SEMA5A: variants seen among roughly 807,000 people sequenced by gnomAD.
The protein encoded by SEMA5A is semaphorin-5A.
In SEMA5A, 55 loss-of-function variants were observed where a neutral mutation model predicts 135.5. The observed-to-expected ratio is 0.41, with a 90% CI of 0.33 to 0.51. The LOEUF is 0.51. Ranked by LOEUF, SEMA5A falls within the 20% of genes least tolerant of loss-of-function variation. SEMA5A has a pLI of 0.37. For missense variants in SEMA5A, 1,290 were observed against 1,419.9 expected (o/e 0.91, Z 1.47); for synonymous variants, 580 against 546.5 (o/e 1.06, Z -0.85).
At chr5:9,184,425 T>C (rs1193371880) in intron 11 of SEMA5A, among the ~76,000 whole-genome samples, 1 of 152,212 alleles carries the variant, frequency 6.6e-6, no homozygotes, top group Non-Finnish European at 1.5e-5. Context: ...TCTCCAATAG[T>C]GTCTTTGGGC....
At chr5:9,244,746 G>A (rs1414428639) in intron 5 of SEMA5A, among the ~76,000 whole-genome samples, 2 of 152,186 alleles carry the variant, frequency 1.3e-5, no homozygotes, top group East Asian at 3.9e-4. Flanking sequence ...TCGCTCAGGT[G>A]TCCTTCTAGA....
intron 22 of SEMA5A, 119 bp from the exon 23 acceptor site, chr5:9,043,135 AAT>A: frequency 5.6e-6 from 5 of 899,708 alleles, no homozygotes; most frequent in Non-Finnish European, 6.6e-6. Context: ...CATATTTTAA[AAT>A]ATGTTTTCTT....
rs570391085 is a variant in SEMA5A at position 9,162,716 on chromosome 5, C to A, written c.1274-8021G>T. 1.9e-4 allele frequency among the ~76,000 whole-genome samples: 29 copies of A among 151,614 alleles called. No homozygotes were observed. The East Asian group carries it at 5.5e-3, about 29-fold the overall frequency. ...GATTTTGGTCATCTCTAAATTTGAA[C>A]CTTCTTTCATCATTATATTTTCCAA... is the stretch of plus-strand genomic sequence containing the variant. On this transcript the variant is annotated intron_variant, in intron 11 of 22. Transcript: ENST00000382496.
At chr5:9,252,644 G>A (rs1339514700) in intron 5 of SEMA5A, among the ~76,000 whole-genome samples, 1 of 152,182 alleles carries the variant, frequency 6.6e-6, no homozygotes, top group African/African-American at 2.4e-5. Flanking sequence ...AGGTCATCAA[G>A]CCTTATGTAC....
chr5:9,216,673 G>A (rs781632443), intron 8 of SEMA5A, among the ~76,000 whole-genome samples: 3 of 152,180 alleles, frequency 2.0e-5, no homozygotes, highest in Non-Finnish European at 2.9e-5. Context: ...ACTGTGTTGT[G>A]TGCATATATA....
intron 12 of SEMA5A, among the ~76,000 whole-genome samples, chr5:9,141,316 C>G (rs189421473): frequency 1.3e-5 from 2 of 152,186 alleles, no homozygotes; most frequent in Admixed American, 1.3e-4. Flanking sequence ...AATGTTTTTC[C>G]TTGTGTGGTA....
chr5:9,454,827 AAATTTG>A (rs1292617095), intron 1 of SEMA5A, among the ~76,000 whole-genome samples: 5 of 152,234 alleles, frequency 3.3e-5, no homozygotes, highest in African/African-American at 1.2e-4. Flanking sequence ...GACGAAAAGG[AAATTTG>A]AGTATCTTTC....
intron 18 of SEMA5A, among the ~76,000 whole-genome samples, chr5:9,055,230 C>G (rs1736825940): frequency 6.6e-6 from 1 of 152,228 alleles, no homozygotes; most frequent in Admixed American, 6.5e-5. Flanking sequence ...TAACTCCTGA[C>G]TGTGCCTCTC....
At chr5:9,237,566 C>A (rs1747977340) in intron 6 of SEMA5A, among the ~76,000 whole-genome samples, 1 of 152,120 alleles carries the variant, frequency 6.6e-6, no homozygotes. Flanking sequence ...CAATTAATTT[C>A]TTATCTTAGT....
At chr5:9,153,892 C>A (rs887264223) in intron 12 of SEMA5A, among the ~76,000 whole-genome samples, 2 of 149,838 alleles carry the variant, frequency 1.3e-5, no homozygotes, top group Non-Finnish European at 3.0e-5. Context: ...CTAAAAATAC[C>A]AAAATTAGCC....
chr5:9,289,701 G>A (rs1750983637), intron 5 of SEMA5A, among the ~76,000 whole-genome samples: 1 of 152,012 alleles, frequency 6.6e-6, no homozygotes, highest in African/African-American at 2.4e-5. Context: ...ATCATTGGCT[G>A]TTTTTAATAA....
In SEMA5A at chr5:9,341,165, CA is replaced by C. The variant is rs528855233; in HGVS notation, c.125-3354del. Among the ~76,000 whole-genome samples the C allele has an allele frequency of 7.3e-3, 1,082 of 148,060 alleles. 8 individuals are homozygous for C. The highest frequency in any genetic ancestry group is 0.024 in the African/African-American group (962 of 40,400). Reference sequence around the variant, plus strand: ...TTCCAAGTACAATATAGCAATATATCAAAAAAAAAATCACACACATACAAAC... The same window carrying C: ...TTCCAAGTACAATATAGCAATATATCAAAAAAAAATCACACACATACAAAC... On this transcript the variant is annotated intron_variant, in intron 3 of 22. Coordinates refer to ENST00000382496, the MANE Select transcript of SEMA5A (RefSeq NM_003966.3).
chr5:9,256,018 C>T (rs145561428), intron 5 of SEMA5A, among the ~76,000 whole-genome samples: 8 of 152,272 alleles, frequency 5.3e-5, no homozygotes, highest in African/African-American at 1.9e-4. Flanking sequence ...AATCCACCAA[C>T]AAATCATGTT....
intron 8 of SEMA5A, among the ~76,000 whole-genome samples, chr5:9,215,746 T>C (rs1746584148): frequency 6.6e-6 from 1 of 152,240 alleles, no homozygotes; most frequent in Non-Finnish European, 1.5e-5. Context: ...TAACATTTTC[T>C]TCTTCATTTC....
At chr5:9,095,141 C>G (rs1414567082) in intron 16 of SEMA5A, among the ~76,000 whole-genome samples, 1 of 152,072 alleles carries the variant, frequency 6.6e-6, no homozygotes, top group Admixed American at 6.6e-5. Flanking sequence ...CAAACTAACA[C>G]AAAAACAGAA....
chr5:9,266,121 G>C (rs1043578834), intron 5 of SEMA5A, among the ~76,000 whole-genome samples: 1 of 152,200 alleles, frequency 6.6e-6, no homozygotes, highest in Non-Finnish European at 1.5e-5. Flanking sequence ...CTGGTGCTAC[G>C]TCTGCCTTGA....
intron 1 of SEMA5A, among the ~76,000 whole-genome samples, chr5:9,450,975 G>A (rs1758620788): frequency 6.6e-6 from 1 of 152,146 alleles, no homozygotes; most frequent in Admixed American, 6.5e-5. Flanking sequence ...CCTAATAATT[G>A]AATACAGAGC....
At chr5:9,361,139 A>C (rs150206116) in intron 3 of SEMA5A, among the ~76,000 whole-genome samples, 62 of 152,202 alleles carry the variant, frequency 4.1e-4, no homozygotes, top group African/African-American at 1.5e-3. Context: ...TCTCTACTAA[A>C]AATACGAAAA....
intron 16 of SEMA5A, 34 bp from the exon 17 acceptor site, chr5:9,066,680 G>C (rs374714616): frequency 1.7e-5 from 27 of 1,594,902 alleles, no homozygotes; most frequent in Non-Finnish European, 2.6e-6. Context: ...GTTACTATAC[G>C]GGGTAAACAG....
Sources: gnomAD v4.1 joint callset for allele counts (sites outside exome capture counted in the v4.1 genomes callset) on GRCh38, gnomAD v4.1.1 for gene constraint, MANE v1.5 for transcripts, NCBI Gene and HGNC (gene_info 2026-07-23, HGNC 2026-07-21) for gene names.